TYW1: variants seen among roughly 807,000 people sequenced by gnomAD.
TYW1 encodes the protein tRNA-yW synthesizing protein 1 homolog, also known as S-adenosyl-L-methionine-dependent tRNA 4-demethylwyosine synthase TYW1.
Under a neutral mutation model 96.2 loss-of-function variants are expected in TYW1, and 46 were observed. The ratio of observed to expected loss-of-function variants is 0.48; its 90% CI spans 0.38 to 0.61. The LOEUF (loss-of-function observed/expected upper bound fraction) is 0.61, where lower values mean the gene tolerates loss of function less well. Among genes scored for constraint, TYW1 ranks in the 20% least tolerant of loss-of-function variants. The pLI is 0.00. For synonymous variants in TYW1, 274 were observed against 323.0 expected, an observed-to-expected ratio of 0.85 and a Z score of 1.63; for missense variants, 684 against 909.6, an observed-to-expected ratio of 0.75 and a Z score of 3.19.
At chr7:67,138,834 T>A (rs1333014613) in intron 13 of TYW1, among the ~76,000 whole-genome samples, 1 of 151,934 alleles carries the variant, frequency 6.6e-6, no homozygotes, top group Non-Finnish European at 1.5e-5. Flanking sequence ...TGAATAGTAC[T>A]CCATTATATA....
At chr7:67,111,414 T>C (rs920800553) in intron 12 of TYW1, among the ~76,000 whole-genome samples, 1 of 152,172 alleles carries the variant, frequency 6.6e-6, no homozygotes, top group Non-Finnish European at 1.5e-5. Context: ...TTGGCCAGGA[T>C]GGTCTTGAAC....
At chr7:67,006,136 T>C (rs1584453799) in intron 3 of TYW1, among the ~76,000 whole-genome samples, 1 of 152,004 alleles carries the variant, frequency 6.6e-6, no homozygotes, top group African/African-American at 2.4e-5. Flanking sequence ...TGGCGGGAGG[T>C]GCTTAGATCT....
At chr7:67,069,516 A>G (rs1795968785) in intron 10 of TYW1, among the ~76,000 whole-genome samples, 1 of 152,204 alleles carries the variant, frequency 6.6e-6, no homozygotes, top group Non-Finnish European at 1.5e-5. Context: ...AGGTGGGTGG[A>G]GCATTTGAGC....
intron 12 of TYW1, among the ~76,000 whole-genome samples, chr7:67,113,645 C>CTTTTTT (rs66807566): frequency 2.0e-4 from 28 of 143,302 alleles, no homozygotes; most frequent in Admixed American, 2.8e-4. Flanking sequence ...CTTTTTCTTT[C>CTTTTTT]TTTTTTTTTT....
intron 15 of TYW1, among the ~76,000 whole-genome samples, chr7:67,227,847 C>T (rs137860514): frequency 5.7e-4 from 87 of 152,346 alleles, no homozygotes; most frequent in African/African-American, 2.0e-3. Context: ...ATGGAATTCT[C>T]CTAGACTCGG....
intron 11 of TYW1, among the ~76,000 whole-genome samples, chr7:67,095,692 ACAACAACAGCAGCAG>A (rs1309770972): frequency 4.7e-5 from 6 of 128,704 alleles, no homozygotes; most frequent in Non-Finnish European, 1.0e-4. Context: ...AACAACAACA[ACAACAACAGCAGCAG>A]CAGCAGCAGC....
At chr7:67,206,930 G>C (rs906779466) in intron 15 of TYW1, among the ~76,000 whole-genome samples, 1 of 151,966 alleles carries the variant, frequency 6.6e-6, no homozygotes, top group Non-Finnish European at 1.5e-5. Context: ...CTTCACAATC[G>C]GTTCCTTTTT....
chr7:67,220,201 ATTT>A lies in TYW1; in HGVS notation c.1978-18089_1978-18087del, dbSNP rs57595328. Among the ~76,000 whole-genome samples, 174 of 93,188 alleles carry A rather than the reference ATTT, an allele frequency of 1.9e-3. 2 individuals are homozygous for A. Among genetic ancestry groups the A allele is most frequent in the Middle Eastern group, 8.5e-3 (1 of 118 alleles). 61.1% of individuals were successfully genotyped at this position (93,188 alleles called of 152,430 possible). A position where few individuals can be genotyped will look rare whatever the true frequency, so the allele number is the denominator to read the frequency against. On this transcript the variant is annotated intron_variant, in intron 15 of 15. Transcript: ENST00000359626. ...ATTTTTTAGTTTCATTCATTTATTG[ATTT>A]TTTTTTTTTTTTTTTTTGAGATGGA... is the stretch of plus-strand genomic sequence containing the variant.
intron 14 of TYW1, among the ~76,000 whole-genome samples, chr7:67,183,757 C>G (rs1331978202): frequency 6.6e-6 from 1 of 152,038 alleles, no homozygotes; most frequent in Non-Finnish European, 1.5e-5. Flanking sequence ...TATCATTTAC[C>G]CAGAATTATT....
intron 12 of TYW1, among the ~76,000 whole-genome samples, chr7:67,106,343 G>A (rs1366628410): frequency 6.6e-6 from 1 of 152,182 alleles, no homozygotes; most frequent in African/African-American, 2.4e-5. Flanking sequence ...CCAGAACACT[G>A]TACCATCTGT....
intron 5 of TYW1, among the ~76,000 whole-genome samples, chr7:67,016,260 GT>G (rs1794019476): frequency 7.6e-6 from 1 of 132,028 alleles, no homozygotes. Flanking sequence ...TTTAAAAGCT[GT>G]TTACGGCCGG....
At chr7:67,100,369 C>T (rs112963855) in intron 12 of TYW1, among the ~76,000 whole-genome samples, 2,606 of 150,638 alleles carry the variant, frequency 0.017, 72 homozygotes, top group African/African-American at 0.06. Context: ...GTGTTTTCCC[C>T]GATTAGACTG....
In TYW1 at chr7:67,018,084, T is replaced by C. The variant is rs578255738; in HGVS notation, c.802T>C (p.Ser268Pro). Residue 268 changes from serine (S) to proline (P), a missense_variant, in exon 6 of 16, where the codon TCA becomes CCA. Physicochemically the swap from Ser to Pro is moderately conservative, Grantham distance 74. Transcript: ENST00000359626. ...CAAATGTGAATCTCACCAACATGGC[T>C]CAGAGGAGAGGGAGGAAGGATCTCA... ...KGKCESHQHG[S>P]EEREEGSHEQ... 63 of 1,613,988 alleles carry C rather than the reference T, an allele frequency of 3.9e-5. No homozygotes were observed. In the South Asian group the frequency reaches 5.9e-4, roughly 15 times the overall value.
intron 7 of TYW1, among the ~76,000 whole-genome samples, chr7:67,032,340 C>T (rs1219891927): frequency 2.0e-5 from 3 of 152,034 alleles, no homozygotes; most frequent in Non-Finnish European, 4.4e-5. Context: ...AGTAGGAGGC[C>T]TGGCGTGCTG....
At chr7:67,072,506 C>G (rs1164874870) in intron 10 of TYW1, among the ~76,000 whole-genome samples, 3 of 152,144 alleles carry the variant, frequency 2.0e-5, no homozygotes, top group Non-Finnish European at 4.4e-5. Flanking sequence ...CTTGGCCTCC[C>G]AAAGTGCTGA....
chr7:67,101,478 T>C (rs1797086728), intron 12 of TYW1, among the ~76,000 whole-genome samples: 2 of 152,172 alleles, frequency 1.3e-5, no homozygotes, highest in South Asian at 2.1e-4. Context: ...TCTAGAAAGA[T>C]TGATCACATA....
chr7:67,049,080 C>A (rs548108561), intron 7 of TYW1, among the ~76,000 whole-genome samples: 1 of 152,294 alleles, frequency 6.6e-6, no homozygotes, highest in Admixed American at 6.5e-5. Flanking sequence ...AACTTGGTCT[C>A]TGAGCCGATG....
At chr7:67,014,304 T>C in intron 4 of TYW1, 63 bp from the exon 5 acceptor site, 1 of 1,521,328 alleles carries the variant, frequency 6.6e-7, no homozygotes, top group Non-Finnish European at 8.8e-7. Flanking sequence ...TTTCAAAGGA[T>C]TTTCTTCATT....
chr7:67,027,376 TA>T lies in TYW1; in HGVS notation c.984+2362del, dbSNP rs201834388. Among the ~76,000 whole-genome samples, 9 of 151,534 alleles carry T rather than the reference TA, an allele frequency of 5.9e-5. No homozygotes were observed. In the South Asian group the frequency reaches 8.4e-4, roughly 14 times the overall value. ...TATATGATTCAAAATCTAGAAGCAATAAAAAAAATTAAATTTATGAATGATT... is the reference window on the plus strand; with the variant it reads ...TATATGATTCAAAATCTAGAAGCAATAAAAAAATTAAATTTATGAATGATT... On this transcript the variant is annotated intron_variant, in intron 7 of 15. Transcript: ENST00000359626.
Sources: allele counts gnomAD v4.1 joint callset (sites outside exome capture counted in the v4.1 genomes callset), GRCh38; gene constraint gnomAD v4.1.1; transcripts MANE v1.5; gene names NCBI Gene and HGNC (gene_info 2026-07-23, HGNC 2026-07-21).